Variants in ADAMTS17 observed in about 807,000 individuals in gnomAD.
ADAMTS17 encodes A disintegrin and metalloproteinase with thrombospondin motifs 17.
Under a neutral mutation model 141.5 loss-of-function variants are expected in ADAMTS17, and 113 were observed. The ratio of observed to expected loss-of-function variants is 0.80; its 90% CI spans 0.69 to 0.93. The LOEUF (loss-of-function observed/expected upper bound fraction) is 0.93. Ranked by LOEUF, ADAMTS17 falls within the 40% of genes least tolerant of loss-of-function variation. The probability of loss-of-function intolerance (pLI) is 0.00; values close to 1 mark genes in which losing one functional copy is unlikely to be tolerated. For missense variants in ADAMTS17, 1,659 were observed against 1,517.9 expected (o/e 1.09, Z -1.54); for synonymous variants, 768 against 630.6 (o/e 1.22, Z -3.27).
rs79675020 is a variant in ADAMTS17, at chr15:100,159,259, T to C, written c.1182-3939A>G. Among the ~76,000 whole-genome samples the C allele has an allele frequency of 2.7e-3, 406 of 152,348 alleles. 2 individuals are homozygous for C. Among genetic ancestry groups the C allele is most frequent in the African/African-American group, 9.4e-3 (389 of 41,578 alleles). On this transcript the variant is annotated intron_variant, in intron 8 of 21. Transcript: ENST00000268070. ...AGATGGATCAATAAAATGTAGTCTATACATACAATGAAATATTATTCAGTC... is the reference window on the plus strand; with the variant it reads ...AGATGGATCAATAAAATGTAGTCTACACATACAATGAAATATTATTCAGTC...
At chr15:100,157,074 A>C (rs1395451535) in intron 8 of ADAMTS17, among the ~76,000 whole-genome samples, 4 of 152,218 alleles carry the variant, frequency 2.6e-5, no homozygotes, top group African/African-American at 9.7e-5. Flanking sequence ...AGGGGAGAGA[A>C]GCACAAGCAA....
Position 99,972,927 on chromosome 15 carries a change from C to G in ADAMTS17, c.*1475G>C, listed in dbSNP as rs1049932042. 1 of 152,194 alleles carries G rather than the reference C, an allele frequency of 6.6e-6. No homozygotes were observed. Among genetic ancestry groups the G allele is most frequent in the Non-Finnish European group, 1.5e-5 (1 of 68,064 alleles). The allele number at this position is 152,194 out of a possible 1,614,324, so 9.4% of individuals were successfully genotyped here. ...AAATCAAGAAGCACAGGGAGATGAT[C>G]CCATGGAAGTCCAAGTGAGACCTTC... is the stretch of plus-strand genomic sequence containing the variant. On this transcript the variant is annotated 3_prime_UTR_variant, in exon 22 of 22. Transcript: ENST00000268070.
chr15:100,290,679 T>C (rs1596459331), intron 3 of ADAMTS17, among the ~76,000 whole-genome samples: 1 of 152,016 alleles, frequency 6.6e-6, no homozygotes, highest in Non-Finnish European at 1.5e-5. Context: ...TGGAACAGAA[T>C]AGAGAGCCCA....
At chr15:100,049,953 C>T (rs1373221577) in intron 17 of ADAMTS17, among the ~76,000 whole-genome samples, 2 of 152,192 alleles carry the variant, frequency 1.3e-5, no homozygotes, top group Non-Finnish European at 2.9e-5. Flanking sequence ...AGCTCTATTG[C>T]TGTCATTATT....
chr15:100,288,375 T>G (rs779303219), intron 3 of ADAMTS17, among the ~76,000 whole-genome samples: 2 of 152,190 alleles, frequency 1.3e-5, no homozygotes, highest in Non-Finnish European at 2.9e-5. Flanking sequence ...AAACAATTTC[T>G]TAGAGACCTA....
Position 99,974,381 on chromosome 15 carries a change from A to G in ADAMTS17, c.*21T>C, listed in dbSNP as rs374214853. 13 of 1,613,780 alleles carry G rather than the reference A, an allele frequency of 8.1e-6. No individual in the cohort carries two copies. The highest frequency in any genetic ancestry group is 1.0e-5 in the Non-Finnish European group (12 of 1,180,014). On this transcript the variant is annotated 3_prime_UTR_variant, in exon 22 of 22. Coordinates refer to ENST00000268070, the MANE Select transcript of ADAMTS17 (RefSeq NM_139057.4). The stretch of plus-strand genomic sequence containing the variant: ...GTTTCAGACCTGAGTCTGAGCTTTG[A>G]GCGACCCTTGGGACTGCGTGTCACG...
At chr15:100,117,500 T>C (rs2037213027) in intron 12 of ADAMTS17, among the ~76,000 whole-genome samples, 1 of 152,114 alleles carries the variant, frequency 6.6e-6, no homozygotes, top group African/African-American at 2.4e-5. Context: ...GAACAACGAG[T>C]TCACTGCTCA....
chr15:99,978,977 C>G (rs1346470539), intron 20 of ADAMTS17: 1 of 152,272 alleles, frequency 6.6e-6, no homozygotes, highest in African/African-American at 2.4e-5. Context: ...GTAGTTGTGT[C>G]TCTGCACACA....
intron 12 of ADAMTS17, among the ~76,000 whole-genome samples, chr15:100,119,843 C>T (rs1474161922): frequency 1.3e-5 from 2 of 152,208 alleles, no homozygotes; most frequent in Admixed American, 6.5e-5. Flanking sequence ...CACCTCCTAA[C>T]CCTCTGTCCA....
At chr15:100,072,484 T>A (rs1272156058) in intron 15 of ADAMTS17, among the ~76,000 whole-genome samples, 18 of 151,666 alleles carry the variant, frequency 1.2e-4, no homozygotes, top group Non-Finnish European at 2.4e-4. Flanking sequence ...GCTGGAGGCA[T>A]CACGCTACCT....
At chr15:100,140,484 C>CATATATATATAGATATATATAT (rs1164353969) in intron 10 of ADAMTS17, among the ~76,000 whole-genome samples, 1 of 40,830 alleles carries the variant, frequency 2.4e-5, no homozygotes, top group Non-Finnish European at 7.0e-5. Flanking sequence ...CACACACATA[C>CATATATATATAGATATATATAT]ATACATATAT....
chr15:100,178,086 G>T (rs114260114), intron 8 of ADAMTS17, among the ~76,000 whole-genome samples: 169 of 152,190 alleles, frequency 1.1e-3, no homozygotes, highest in African/African-American at 4.0e-3. Flanking sequence ...TTTCTTTCAG[G>T]GAGCAGATAG....
At chr15:100,079,461 C>T (rs887714087) in intron 15 of ADAMTS17, among the ~76,000 whole-genome samples, 2 of 152,202 alleles carry the variant, frequency 1.3e-5, no homozygotes, top group African/African-American at 2.4e-5. Flanking sequence ...ACGTATTATA[C>T]TACTCCATTT....
chr15:99,973,984 GC>G lies in ADAMTS17; in HGVS notation c.*417del, dbSNP rs1320171209. 112 of 279,112 alleles carry G rather than the reference GC, an allele frequency of 4.0e-4. No homozygotes were observed. Among genetic ancestry groups the G allele is most frequent in the South Asian group, 3.9e-3 (108 of 27,916 alleles). 17.3% of individuals were successfully genotyped at this position (279,112 alleles called of 1,614,324 possible). ...TGCCCCTCCCTCCATGGTGTCGCCG[GC>G]TTTCAGAATAAAGCCTTTTCTAGCA... On this transcript the variant is annotated 3_prime_UTR_variant, in exon 22 of 22. Coordinates refer to ENST00000268070, the MANE Select transcript of ADAMTS17 (RefSeq NM_139057.4).
At chr15:100,106,182 G>A (rs1442473125) in intron 14 of ADAMTS17, among the ~76,000 whole-genome samples, 1 of 152,166 alleles carries the variant, frequency 6.6e-6, no homozygotes, top group Admixed American at 6.5e-5. Context: ...TTTATGCCAT[G>A]GGAGGACACA....
intron 3 of ADAMTS17, among the ~76,000 whole-genome samples, chr15:100,297,133 A>G (rs940718548): frequency 6.6e-6 from 1 of 152,046 alleles, no homozygotes; most frequent in Non-Finnish European, 1.5e-5. Flanking sequence ...GGGGGAGAGG[A>G]GCTAGGAGGA....
intron 20 of ADAMTS17, chr15:99,976,458 G>A: frequency 1.6e-6 from 1 of 624,104 alleles, no homozygotes. Context: ...CCCTGGGCTG[G>A]GCACTGTGTG....
At chr15:100,217,770 A>G (rs368900503) in intron 7 of ADAMTS17, among the ~76,000 whole-genome samples, 3 of 152,218 alleles carry the variant, frequency 2.0e-5, no homozygotes, top group African/African-American at 7.2e-5. Flanking sequence ...GTGGGAAATG[A>G]TATTTGCCAA....
chr15:100,297,201 T>C (rs1236378872), intron 3 of ADAMTS17, among the ~76,000 whole-genome samples: 3 of 152,144 alleles, frequency 2.0e-5, no homozygotes, highest in African/African-American at 7.2e-5. Flanking sequence ...AAGCACGGTA[T>C]GTTCTAGAAA....
Sources: allele counts gnomAD v4.1 joint callset (sites outside exome capture counted in the v4.1 genomes callset), GRCh38; gene constraint gnomAD v4.1.1; transcripts MANE v1.5; gene names NCBI Gene and HGNC (gene_info 2026-07-23, HGNC 2026-07-21).